Variants in RGS8 observed in about 807,000 individuals in gnomAD.
The protein encoded by RGS8 is regulator of G-protein signaling 8.
RGS8 carries 8 observed loss-of-function variants against 21.7 expected under a neutral mutation model. The observed-to-expected ratio is 0.37, with a 90% CI of 0.22 to 0.66. The LOEUF (loss-of-function observed/expected upper bound fraction) is 0.66, where lower values mean the gene tolerates loss of function less well. RGS8 is among the 30% of genes least tolerant of loss of function. The pLI is 0.59. For missense variants in RGS8, 157 were observed against 217.9 expected, an observed-to-expected ratio of 0.72 and a Z score of 1.76; for synonymous variants, 80 against 83.6, an observed-to-expected ratio of 0.96 and a Z score of 0.24.
the RGS8 span, among the ~76,000 whole-genome samples, chr1:182,701,619 T>G: frequency 1.3e-5 from 2 of 152,206 alleles, no homozygotes; most frequent in African/African-American, 4.8e-5. Context: ...GTCTCAAGGT[T>G]ACTCTTTAGC....
At chr1:182,739,956 TCCAGCTC>T in the RGS8 span, among the ~76,000 whole-genome samples, 72 of 152,296 alleles carry the variant, frequency 4.7e-4, no homozygotes, top group African/African-American at 1.7e-3. Flanking sequence ...CATTCCATGC[TCCAGCTC>T]CCAACACCCA....
At chr1:182,731,557 T>C in the RGS8 span, among the ~76,000 whole-genome samples, 606 of 152,312 alleles carry the variant, frequency 4.0e-3, 8 homozygotes, top group African/African-American at 0.014. Flanking sequence ...ATCCTCAATC[T>C]ACTTTTTTCT....
chr1:182,738,299 T>G, the RGS8 span, among the ~76,000 whole-genome samples: 1 of 152,222 alleles, frequency 6.6e-6, no homozygotes, highest in Admixed American at 6.5e-5. Context: ...TGTTTCCATT[T>G]GTGTTAGATG....
the RGS8 span, among the ~76,000 whole-genome samples, chr1:182,730,710 C>CA: frequency 0.016 from 1,765 of 110,526 alleles, 13 homozygotes; most frequent in African/African-American, 0.035. Context: ...GACTGCATCT[C>CA]AAAAAAAAAA....
chr1:182,709,794 G>A, the RGS8 span, among the ~76,000 whole-genome samples: 3 of 152,126 alleles, frequency 2.0e-5, no homozygotes, highest in Non-Finnish European at 2.9e-5. Context: ...AACCATCTTA[G>A]CATCTCTTTG....
At chr1:182,671,782 G>A (rs764746896) in intron 1 of RGS8, 52 bp from the exon 3 acceptor site, 7 of 1,610,986 alleles carry the variant, frequency 4.3e-6, no homozygotes, top group Non-Finnish European at 5.9e-6. Flanking sequence ...GGCGAGTGAA[G>A]GGCATGTGTG....
the RGS8 span, among the ~76,000 whole-genome samples, chr1:182,721,010 T>C: frequency 2.9e-5 from 3 of 103,752 alleles, no homozygotes; most frequent in Admixed American, 9.7e-5. Flanking sequence ...TATATATACA[T>C]ATATACACAT....
intron 5 of RGS8, among the ~76,000 whole-genome samples, chr1:182,664,870 C>G (rs1057463027): frequency 2.6e-5 from 4 of 152,148 alleles, no homozygotes; most frequent in Non-Finnish European, 5.9e-5. Context: ...TTAGTTTATC[C>G]AGATCAGCAG....
chr1:182,705,311 A>G, the RGS8 span, among the ~76,000 whole-genome samples: 1 of 152,270 alleles, frequency 6.6e-6, no homozygotes, highest in African/African-American at 2.4e-5. Flanking sequence ...GCTCAAGCAG[A>G]CAGAGCAAAT....
At chr1:182,643,322 A>AGC (rs1662552788), downstream of RGS8, 1 of 22,362 alleles carries the variant, frequency 4.5e-5, no homozygotes, top group African/African-American at 1.9e-4. Context: ...CCCCTCCCCC[A>AGC]GCCCCCCCGC....
chr1:182,647,781 A>G (rs532780843), intron 6 of RGS8, among the ~76,000 whole-genome samples: 2 of 152,232 alleles, frequency 1.3e-5, no homozygotes, highest in Non-Finnish European at 2.9e-5. Context: ...TGGAGCTAAA[A>G]TTGAAACAAG....
At chr1:182,699,589 C>G in the RGS8 span, among the ~76,000 whole-genome samples, 2 of 152,258 alleles carry the variant, frequency 1.3e-5, no homozygotes, top group Non-Finnish European at 2.9e-5. Context: ...AACTTCCACA[C>G]AGATCCCTGT....
At chr1:182,731,177 T>C in the RGS8 span, among the ~76,000 whole-genome samples, 2 of 152,226 alleles carry the variant, frequency 1.3e-5, no homozygotes, top group African/African-American at 4.8e-5. Context: ...CTTTCCAACG[T>C]TCAGCAAAGC....
chr1:182,662,170 T>C lies in RGS8; in HGVS notation c.193+3799A>G, dbSNP rs1557891214. Among the ~76,000 whole-genome samples the C allele has an allele frequency of 2.0e-5, 3 of 152,226 alleles. No homozygotes were observed. The South Asian group carries it at 6.2e-4, about 32-fold the overall frequency. On this transcript the variant is annotated intron_variant, in intron 5 of 6. Coordinates refer to ENST00000483095, the Ensembl canonical transcript of RGS8. ...TCTAAGGTTTAAAAAATAGCAAAGT[T>C]GCTTTCTTTTGCCTGAGATTTCAGC...
chr1:182,723,329 T>C, the RGS8 span, among the ~76,000 whole-genome samples: 2 of 152,218 alleles, frequency 1.3e-5, no homozygotes, highest in African/African-American at 2.4e-5. Context: ...CAACTAGGGC[T>C]GGAGAATCGG....
chr1:182,692,291 T>C, the RGS8 span, among the ~76,000 whole-genome samples: 2 of 151,968 alleles, frequency 1.3e-5, no homozygotes, highest in Admixed American at 1.3e-4. Flanking sequence ...GCATAAACCA[T>C]CGGACCCAGC....
the RGS8 span, among the ~76,000 whole-genome samples, chr1:182,749,361 T>C: frequency 6.6e-6 from 1 of 152,194 alleles, no homozygotes; most frequent in Non-Finnish European, 1.5e-5. Flanking sequence ...TATTTCCCCA[T>C]TATGTACTTG....
At chr1:182,674,682 AG>A (rs542858248), upstream of RGS8, among the ~76,000 whole-genome samples, 10 of 152,274 alleles carry the variant, frequency 6.6e-5, no homozygotes, top group Non-Finnish European at 1.2e-4. Flanking sequence ...TAAACAGAAA[AG>A]GCAAGCAGAG....
At chr1:182,694,936 C>T in the RGS8 span, among the ~76,000 whole-genome samples, 8 of 152,228 alleles carry the variant, frequency 5.3e-5, no homozygotes, top group Non-Finnish European at 1.0e-4. Context: ...GCACAGCTGG[C>T]GAACTTGCAC....
Sources: allele counts gnomAD v4.1 joint callset (sites outside exome capture counted in the v4.1 genomes callset), GRCh38; gene constraint gnomAD v4.1.1; transcripts MANE v1.5; gene names NCBI Gene and HGNC (gene_info 2026-07-23, HGNC 2026-07-21).